STPG2: variants seen among roughly 807,000 people sequenced by gnomAD.
The protein encoded by STPG2 is sperm-tail PG-rich repeat-containing protein 2.
Under a neutral mutation model 54.2 loss-of-function variants are expected in STPG2, and 56 were observed. That is an observed-to-expected ratio of 1.03 (90% CI 0.83 to 1.29). The LOEUF (loss-of-function observed/expected upper bound fraction) is 1.29. Ranked by LOEUF, STPG2 falls within the 50% of genes most tolerant of loss-of-function variation. STPG2 has a pLI of 0.00. For synonymous variants in STPG2, 200 were observed against 181.8 expected (o/e 1.10, Z -0.81); for missense variants, 596 against 544.9 (o/e 1.09, Z -0.93).
At chr4:97,850,299 A>AAAATAAATAAAT (rs35675294) in intron 8 of STPG2, among the ~76,000 whole-genome samples, 5,499 of 106,816 alleles carry the variant, frequency 0.051, 374 homozygotes, top group African/African-American at 0.15. Flanking sequence ...GAGGGAAAGA[A>AAAATAAATAAAT]AAATAAATAA....
chr4:98,044,284 C>T (rs1737057378), intron 5 of STPG2, among the ~76,000 whole-genome samples: 1 of 152,096 alleles, frequency 6.6e-6, no homozygotes, highest in South Asian at 2.1e-4. Flanking sequence ...AAGTTTCATA[C>T]TTTCCTACAC....
At chr4:97,987,523 T>G (rs1734866366) in intron 5 of STPG2, among the ~76,000 whole-genome samples, 1 of 152,150 alleles carries the variant, frequency 6.6e-6, no homozygotes. Context: ...AGGTTGAGTT[T>G]TTTATATTCT....
intron 7 of STPG2, among the ~76,000 whole-genome samples, chr4:97,967,384 A>AAAGAGAC (rs1227983778): frequency 6.6e-6 from 1 of 150,610 alleles, no homozygotes; most frequent in Non-Finnish European, 1.5e-5. Context: ...AGAGACCTAC[A>AAAGAGAC]TTAGACTCCT....
chr4:97,483,875 T>G lies in STPG2; in HGVS notation c.462+228824A>C, dbSNP rs1469990195. ...AGAAATTTGAAATTATATCAAGCAC[T>G]CTCTCAGACCACAGTGGAATAAAAC... On this transcript the variant is annotated intron_variant, in intron 4 of 4. Coordinates refer to the STPG2 transcript ENST00000522676. Among the ~76,000 whole-genome samples the G allele has an allele frequency of 2.0e-5, 3 of 151,730 alleles. No homozygotes were observed. In the Admixed American group the frequency reaches 2.0e-4, roughly 10 times the overall value.
chr4:98,006,566 T>G (rs1237408979), intron 5 of STPG2, among the ~76,000 whole-genome samples: 1 of 152,110 alleles, frequency 6.6e-6, no homozygotes, highest in Non-Finnish European at 1.5e-5. Flanking sequence ...GGCTGGAGAT[T>G]GGAGTGTTGG....
chr4:98,086,380 TAA>T (rs961114913), intron 5 of STPG2, among the ~76,000 whole-genome samples: 1 of 151,810 alleles, frequency 6.6e-6, no homozygotes, highest in African/African-American at 2.4e-5. Flanking sequence ...TGACTTTAAA[TAA>T]AAAAGAGGAA....
At chr4:98,134,678 T>G (rs2110168532) in intron 1 of STPG2, among the ~76,000 whole-genome samples, 1 of 150,448 alleles carries the variant, frequency 6.6e-6, no homozygotes, top group Non-Finnish European at 1.5e-5. Context: ...CTTGACTTAT[T>G]GAACAACAAC....
At chr4:97,926,472 T>A (rs1732335716) in intron 8 of STPG2, among the ~76,000 whole-genome samples, 1 of 152,190 alleles carries the variant, frequency 6.6e-6, no homozygotes, top group Admixed American at 6.5e-5. Context: ...CTTTTATATC[T>A]CTGCCATCAC....
At chr4:97,570,044 T>C (rs2148882794) in intron 10 of STPG2, among the ~76,000 whole-genome samples, 1 of 152,120 alleles carries the variant, frequency 6.6e-6, no homozygotes, top group Middle Eastern at 3.4e-3. Context: ...AAAACCCAAA[T>C]TGAGAAACAT....
At chr4:98,109,133 TA>T in intron 4 of STPG2, 59 bp downstream of exon 4, 5 of 1,072,184 alleles carry the variant, frequency 4.7e-6, no homozygotes, top group Non-Finnish European at 6.6e-6. Context: ...TAGTCTGAAT[TA>T]TTAAAATACT....
intron 3 of STPG2, among the ~76,000 whole-genome samples, chr4:98,121,804 T>C (rs1272929373): frequency 6.6e-6 from 1 of 151,938 alleles, no homozygotes; most frequent in Non-Finnish European, 1.5e-5. Flanking sequence ...TCACTGCAAC[T>C]TCCACCTCCA....
chr4:97,788,175 A>G (rs2149078039), intron 9 of STPG2, among the ~76,000 whole-genome samples: 1 of 152,044 alleles, frequency 6.6e-6, no homozygotes, highest in Non-Finnish European at 1.5e-5. Context: ...GATCTTTTCT[A>G]TCTAACTGTA....
At chr4:97,874,226 T>G (rs1055417621) in intron 8 of STPG2, among the ~76,000 whole-genome samples, 4 of 151,710 alleles carry the variant, frequency 2.6e-5, no homozygotes, top group African/African-American at 9.7e-5. Context: ...AATCCATTAT[T>G]TCCTGGGGTT....
At chr4:97,505,938 T>C (rs1730833878) in intron 4 of STPG2, among the ~76,000 whole-genome samples, 1 of 148,558 alleles carries the variant, frequency 6.7e-6, no homozygotes, top group South Asian at 2.1e-4. Context: ...TTATATAAAA[T>C]TGACTAGCTA....
intron 3 of STPG2, among the ~76,000 whole-genome samples, chr4:98,126,597 T>A (rs1314000508): frequency 2.0e-5 from 3 of 152,188 alleles, no homozygotes; most frequent in African/African-American, 7.2e-5. Context: ...TCAGTCCCAA[T>A]GAGAGAACCT....
At chr4:97,518,078 G>T (rs1310102934) in intron 4 of STPG2, among the ~76,000 whole-genome samples, 2 of 152,000 alleles carry the variant, frequency 1.3e-5, no homozygotes, top group Non-Finnish European at 2.9e-5. Flanking sequence ...GCCATTAGTA[G>T]CTTTTAAGAC....
chr4:97,847,094 G>T (rs190286937), intron 8 of STPG2, among the ~76,000 whole-genome samples: 1 of 152,002 alleles, frequency 6.6e-6, no homozygotes, highest in Admixed American at 6.5e-5. Flanking sequence ...AAATATATAT[G>T]GTGAAAAAAT....
chr4:97,591,754 C>G (rs1733152174), intron 10 of STPG2, among the ~76,000 whole-genome samples: 1 of 152,094 alleles, frequency 6.6e-6, no homozygotes, highest in Admixed American at 6.6e-5. Flanking sequence ...ATACACTAAC[C>G]TTCTCATTAA....
chr4:97,981,380 T>G, intron 5 of STPG2, 62 bp from the exon 6 acceptor site: 2 of 1,534,352 alleles, frequency 1.3e-6, no homozygotes, highest in Non-Finnish European at 1.8e-6. Context: ...ACTTCATGAG[T>G]TAAAACCTGC....
Sources: gnomAD v4.1 joint callset for allele counts (sites outside exome capture counted in the v4.1 genomes callset) on GRCh38, gnomAD v4.1.1 for gene constraint, MANE v1.5 for transcripts, NCBI Gene and HGNC (gene_info 2026-07-23, HGNC 2026-07-21) for gene names.